The following LOXHD1 variants were observed in gnomAD, a reference collection of about 807,000 sequenced individuals.
LOXHD1 encodes lipoxygenase homology PLAT domains 1.
In LOXHD1, 205 loss-of-function variants were observed where a neutral mutation model predicts 248.2. That is an observed-to-expected ratio of 0.83 (90% confidence interval 0.74 to 0.93). The LOEUF (loss-of-function observed/expected upper bound fraction) is 0.93, where lower values mean the gene tolerates loss of function less well. Ranked by LOEUF, LOXHD1 falls within the 40% of genes least tolerant of loss-of-function variation. The pLI is 0.00. For synonymous variants in LOXHD1, 1,113 were observed against 1,162.8 expected, an observed-to-expected ratio of 0.96 and a Z score of 0.87; for missense variants, 2,930 against 2,971.6, an observed-to-expected ratio of 0.99 and a Z score of 0.33.
intron 31 of LOXHD1, among the ~76,000 whole-genome samples, chr18:46,523,530 T>G (rs924208794): frequency 6.6e-6 from 1 of 152,226 alleles, no homozygotes; most frequent in African/African-American, 2.4e-5. Flanking sequence ...AAGTCACCAT[T>G]TCCAGGTCTC....
At chr18:46,567,028 T>C (rs2037657049) in intron 16 of LOXHD1, among the ~76,000 whole-genome samples, 1 of 152,218 alleles carries the variant, frequency 6.6e-6, no homozygotes, top group African/African-American at 2.4e-5. Flanking sequence ...CTTTTTCCAA[T>C]AACACTCTAT....
At chr18:46,530,933 T>C (rs1379952437) in intron 28 of LOXHD1, among the ~76,000 whole-genome samples, 1 of 152,142 alleles carries the variant, frequency 6.6e-6, no homozygotes, top group Non-Finnish European at 1.5e-5. Context: ...CTCTGAGTCT[T>C]TGCCTCCAAC....
Position 46,560,449 on chromosome 18 carries a change from G to T in LOXHD1, c.2695C>A (p.Arg899=). 6.5e-7 allele frequency: 1 copy of T among 1,543,426 alleles called. No homozygotes were observed. ...TCCACCTCCCGCACCACCAGGTGCC[G>T]CAGCCACACGGTGTCCACGAACCAG... ...PSWFVDTVWL[R]HLVVREVDLT... Residue 899 remains arginine (R), a synonymous_variant, in exon 19 of 41, where the codon CGG becomes AGG. Transcript: ENST00000642948.
intron 40 of LOXHD1, among the ~76,000 whole-genome samples, chr18:46,482,091 G>C (rs1203792345): frequency 6.6e-6 from 1 of 152,200 alleles, no homozygotes; most frequent in Non-Finnish European, 1.5e-5. Flanking sequence ...CAGCTGTCAA[G>C]TTCTCATCAG....
intron 15 of LOXHD1, 83 bp downstream of exon 15, chr18:46,572,003 G>T: frequency 8.4e-7 from 1 of 1,191,790 alleles, no homozygotes. Flanking sequence ...TGAAGTGCTC[G>T]TGTTTTCTTG....
intron 21 of LOXHD1, among the ~76,000 whole-genome samples, chr18:46,556,246 T>C (rs2037325414): frequency 6.6e-6 from 1 of 151,982 alleles, no homozygotes. Flanking sequence ...TACTATCTGG[T>C]CTTTACACAA....
chr18:46,478,031 T>C (rs2032183992), intron 40 of LOXHD1, 79 bp from the exon 41 acceptor site: 1 of 1,475,266 alleles, frequency 6.8e-7, no homozygotes, highest in Non-Finnish European at 9.0e-7. Context: ...CAGATCCCCT[T>C]GCTCATCTAT....
chr18:46,600,633 G>A (rs1361582026), intron 8 of LOXHD1, among the ~76,000 whole-genome samples: 1 of 143,968 alleles, frequency 6.9e-6, no homozygotes, highest in Non-Finnish European at 1.5e-5. Context: ...GGAAGGGAGG[G>A]AGGGAGGGAC....
Position 46,534,371 on chromosome 18 carries a change from A to G in LOXHD1, c.4176T>C (p.Ser1392=), listed in dbSNP as rs566136366. ...NTGMNPGWHC[S]HVDIRRLLPD... The stretch of plus-strand genomic sequence containing the variant: ...GGAGGAGCCTGCGGATGTCCACGTG[A>G]GAGCAGTGCCACCCAGGATTCATGC... The change falls in exon 27 of 41, where the codon TCT becomes TCC. Residue 1392 remains serine (S), a synonymous_variant. Transcript: ENST00000642948. 1 of 1,551,702 alleles carries G rather than the reference A, an allele frequency of 6.4e-7. No individual in the cohort carries two copies. The highest frequency in any genetic ancestry group is 1.2e-5 in the South Asian group (1 of 84,056).
chr18:46,512,505 C>A (rs989813742), intron 34 of LOXHD1, among the ~76,000 whole-genome samples: 1 of 152,190 alleles, frequency 6.6e-6, no homozygotes, highest in Non-Finnish European at 1.5e-5. Context: ...TCTGGTCTCC[C>A]ATTTAGCCAG....
At position 46,489,077 on chromosome 18, in the gene LOXHD1, G is replaced by T. The variant is rs1237321261; in HGVS notation, c.5944C>A (p.His1982Asn). The change falls in exon 38 of 41, where the codon CAC (histidine) becomes AAC (asparagine). Residue 1982 changes from histidine (H) to asparagine (N), a missense_variant. Coordinates refer to ENST00000642948, the MANE Select transcript of LOXHD1 (RefSeq NM_001384474.1). The stretch of plus-strand genomic sequence containing the variant: ...GAGAGCCAGCAGTCACACTGGAAGT[G>T]GAAGGTCTCGTCGCGGGAGTTGTCC... Reference protein sequence around the residue: ...VKDNSRDETFHFQCDCWLSKS... With the variant: ...VKDNSRDETFNFQCDCWLSKS... 1 of 1,551,706 alleles carries T rather than the reference G, an allele frequency of 6.4e-7. No homozygotes were observed. Among genetic ancestry groups the T allele is most frequent in the South Asian group, 1.2e-5 (1 of 84,060 alleles).
intron 5 of LOXHD1, among the ~76,000 whole-genome samples, chr18:46,615,742 T>C (rs2038577031): frequency 6.6e-6 from 1 of 152,216 alleles, no homozygotes; most frequent in African/African-American, 2.4e-5. Flanking sequence ...TTTCCACTCA[T>C]ACTAAATTTG....
chr18:46,607,527 G>T (rs1187261128), intron 6 of LOXHD1, among the ~76,000 whole-genome samples: 1 of 150,782 alleles, frequency 6.6e-6, no homozygotes, highest in Non-Finnish European at 1.5e-5. Flanking sequence ...ATGACTAGAG[G>T]ATATTCATCC....
Position 46,547,165 on chromosome 18 carries a change from C to G in LOXHD1, c.3351-107G>C, listed in dbSNP as rs1240725823. On this transcript the variant is annotated intron_variant, in intron 21 of 40. Coordinates refer to ENST00000642948, the MANE Select transcript of LOXHD1 (RefSeq NM_001384474.1). ...GCCCTCTATGGGGTCCCAAACTCTCCCCTGTCTGCCCCTGACAGCATTGCC... is the reference window on the plus strand; with the variant it reads ...GCCCTCTATGGGGTCCCAAACTCTCGCCTGTCTGCCCCTGACAGCATTGCC... 4 of 1,225,580 alleles carry G rather than the reference C, an allele frequency of 3.3e-6. No homozygotes were observed. In the African/African-American group the frequency reaches 4.5e-5, roughly 14 times the overall value. The allele number at this position is 1,225,580 out of a possible 1,614,324, so 75.9% of individuals were successfully genotyped here.
intron 8 of LOXHD1, among the ~76,000 whole-genome samples, chr18:46,600,919 T>C (rs2038326839): frequency 1.3e-5 from 2 of 152,156 alleles, no homozygotes; most frequent in Non-Finnish European, 2.9e-5. Context: ...TTGAAAGATT[T>C]ATAAGCTGAG....
chr18:46,653,115 C>T (rs539265291), intron 1 of LOXHD1, among the ~76,000 whole-genome samples: 5 of 152,234 alleles, frequency 3.3e-5, no homozygotes, highest in African/African-American at 4.8e-5. Context: ...GGCGTGGTGG[C>T]GCACACCTGT....
At chr18:46,620,659 C>T (rs191361020) in intron 4 of LOXHD1, among the ~76,000 whole-genome samples, 70 of 152,318 alleles carry the variant, frequency 4.6e-4, no homozygotes, top group African/African-American at 1.5e-3. Flanking sequence ...TGACAGTTAG[C>T]ATGTGCCAAG....
At chr18:46,572,342 G>A (rs2037769017) in intron 14 of LOXHD1, among the ~76,000 whole-genome samples, 180 bp from the exon 15 acceptor site, 3 of 152,206 alleles carry the variant, frequency 2.0e-5, no homozygotes, top group African/African-American at 7.2e-5. Flanking sequence ...GGACTTCCCG[G>A]AGGCAGTGGT....
rs1221652440 is a variant in LOXHD1, at chr18:46,505,931, T to C, written c.5785A>G (p.Lys1929Glu). Residue 1929 changes from lysine (K) to glutamate (E), a missense_variant, in exon 37 of 41, where the codon AAG (lysine) becomes GAG (glutamate). Physicochemically the swap from Lys to Glu is moderately conservative, Grantham distance 56. Transcript: ENST00000642948. ...LALKQSANWNKFERNNTDTFN... is the reference protein window; with the variant it reads ...LALKQSANWNEFERNNTDTFN... ...GTGTCCGTGTTGTTCCGCTCAAACT[T>C]GTTCCAGTTTGCCGACTGCTTCAGG... is the stretch of plus-strand genomic sequence containing the variant. The C allele has an allele frequency of 5.2e-6, 8 of 1,551,956 alleles. No individual in the cohort carries two copies. Among genetic ancestry groups the C allele is most frequent in the African/African-American group, 1.4e-5 (1 of 73,034 alleles).
Sources: allele counts gnomAD v4.1 joint callset (sites outside exome capture counted in the v4.1 genomes callset), GRCh38; gene constraint gnomAD v4.1.1; transcripts MANE v1.5; gene names NCBI Gene and HGNC (gene_info 2026-07-23, HGNC 2026-07-21).